The following FAM13A variants were observed in gnomAD, a reference collection of about 807,000 sequenced individuals.
The protein encoded by FAM13A is protein FAM13A.
FAM13A carries 76 observed loss-of-function variants against 129.6 expected under a neutral mutation model. That is an observed-to-expected ratio of 0.59 (90% CI 0.49 to 0.71). The LOEUF (loss-of-function observed/expected upper bound fraction) is 0.71. FAM13A is among the 30% of genes least tolerant of loss of function. The probability of loss-of-function intolerance (pLI) is 0.00; values close to 1 mark genes in which losing one functional copy is unlikely to be tolerated. For synonymous variants in FAM13A, 443 were observed against 449.9 expected (o/e 0.98, Z 0.20); for missense variants, 1,108 against 1,249.3 (o/e 0.89, Z 1.70).
rs191678618 is a variant in FAM13A, at chr4:88,769,639, C to T, written c.1459-1580G>A. On this transcript the variant is annotated intron_variant, in intron 11 of 23. Coordinates refer to ENST00000264344, the MANE Select transcript of FAM13A (RefSeq NM_014883.4). ...ACGAGGTCAAGAGATCGAGACCATC[C>T]TGACCAACATAGTGAAACCCCATCT... Among the ~76,000 whole-genome samples the T allele has an allele frequency of 7.4e-3, 1,120 of 152,168 alleles. 11 individuals are homozygous for T. The highest frequency in any genetic ancestry group is 0.026 in the African/African-American group (1,082 of 41,520).
intron 4 of FAM13A, among the ~76,000 whole-genome samples, chr4:88,977,600 T>A (rs1761074555): frequency 6.6e-6 from 1 of 152,210 alleles, no homozygotes; most frequent in Non-Finnish European, 1.5e-5. Flanking sequence ...AATGCATATT[T>A]TTCAAAACAA....
intron 9 of FAM13A, 149 bp downstream of exon 9, chr4:88,790,437 C>G (rs1258971323): frequency 1.5e-6 from 1 of 649,310 alleles, no homozygotes; most frequent in Non-Finnish European, 2.7e-6. Context: ...TCCTCTCCTC[C>G]ATATAGTTTA....
intron 4 of FAM13A, among the ~76,000 whole-genome samples, chr4:88,939,209 C>T (rs1057378202): frequency 6.6e-6 from 1 of 152,158 alleles, no homozygotes; most frequent in African/African-American, 2.4e-5. Context: ...CTGGGCTATA[C>T]TCCCTGTGAA....
At chr4:88,966,882 T>C (rs1003301394) in intron 4 of FAM13A, among the ~76,000 whole-genome samples, 1 of 152,212 alleles carries the variant, frequency 6.6e-6, no homozygotes, top group African/African-American at 2.4e-5. Context: ...ATCCTTTCTC[T>C]TCAGTATTCT....
At chr4:88,798,477 T>C (rs1726710994) in intron 8 of FAM13A, among the ~76,000 whole-genome samples, 2 of 151,982 alleles carry the variant, frequency 1.3e-5, no homozygotes, top group Non-Finnish European at 2.9e-5. Flanking sequence ...GTTCAGAAAA[T>C]AAGTTTCTGC....
At chr4:88,842,151 G>A (rs1735947107) in intron 7 of FAM13A, among the ~76,000 whole-genome samples, 1 of 152,174 alleles carries the variant, frequency 6.6e-6, no homozygotes, top group Admixed American at 6.5e-5. Context: ...AAAGAAGAGA[G>A]ACACAAAAGA....
intron 21 of FAM13A, among the ~76,000 whole-genome samples, chr4:88,734,309 A>G (rs557378398): frequency 6.6e-6 from 1 of 152,358 alleles, no homozygotes; most frequent in Admixed American, 6.5e-5. Context: ...AGGGCAGTCT[A>G]CAGCAGCCCC....
intron 7 of FAM13A, among the ~76,000 whole-genome samples, chr4:88,837,545 G>A (rs755767796): frequency 6.6e-6 from 1 of 150,782 alleles, no homozygotes; most frequent in African/African-American, 2.4e-5. Context: ...GAGAAAGCCC[G>A]TCTGTACTAA....
chr4:88,839,821 C>T (rs1158916181), intron 7 of FAM13A, among the ~76,000 whole-genome samples: 2 of 152,182 alleles, frequency 1.3e-5, no homozygotes, highest in African/African-American at 2.4e-5. Flanking sequence ...TGCCCCCCAA[C>T]GTTGTCCTGG....
intron 3 of FAM13A, among the ~76,000 whole-genome samples, chr4:89,007,250 C>T (rs1011704617): frequency 3.3e-5 from 5 of 152,188 alleles, no homozygotes; most frequent in African/African-American, 1.2e-4. Context: ...TTGCCCCTAA[C>T]AAACAGGGCA....
At chr4:88,787,974 A>C in intron 9 of FAM13A, 42 bp from the exon 10 acceptor site, 1 of 1,532,280 alleles carries the variant, frequency 6.5e-7, no homozygotes, top group Non-Finnish European at 8.9e-7. Context: ...AGTCAAGTTC[A>C]TCAGTGATCA....
At chr4:88,958,901 A>G (rs894438431) in intron 4 of FAM13A, among the ~76,000 whole-genome samples, 1 of 152,236 alleles carries the variant, frequency 6.6e-6, no homozygotes, top group African/African-American at 2.4e-5. Context: ...GGGCTGCCCA[A>G]GGCCTTAGGA....
At chr4:88,898,007 ATTAG>A (rs1746637186) in intron 6 of FAM13A, among the ~76,000 whole-genome samples, 1 of 152,180 alleles carries the variant, frequency 6.6e-6, no homozygotes, top group Admixed American at 6.5e-5. Flanking sequence ...TCTCTATGGA[ATTAG>A]TTGGTCATAA....
chr4:88,980,230 G>A (rs925632772), intron 4 of FAM13A, among the ~76,000 whole-genome samples: 1 of 152,156 alleles, frequency 6.6e-6, no homozygotes, highest in Non-Finnish European at 1.5e-5. Context: ...GCTGACATGT[G>A]GGGATTAAGT....
chr4:88,804,361 T>C (rs1156745793), intron 8 of FAM13A, among the ~76,000 whole-genome samples: 1 of 152,212 alleles, frequency 6.6e-6, no homozygotes, highest in Non-Finnish European at 1.5e-5. Context: ...TTTTCAAATA[T>C]ATTTTCTAAG....
intron 7 of FAM13A, 37 bp from the exon 8 acceptor site, chr4:88,805,089 T>C: frequency 9.2e-7 from 1 of 1,087,262 alleles, no homozygotes; most frequent in African/African-American, 1.6e-5. Context: ...ATATAATGTC[T>C]GTTAATATGA....
intron 4 of FAM13A, chr4:88,990,066 CTTAAAAG>C (rs908529358): frequency 9.2e-5 from 14 of 152,150 alleles, no homozygotes; most frequent in African/African-American, 3.1e-4. Context: ...AATGCCATTA[CTTAAAAG>C]TTAACACCTT....
chr4:88,888,826 C>T (rs1415981299), intron 6 of FAM13A, among the ~76,000 whole-genome samples: 2 of 151,136 alleles, frequency 1.3e-5, no homozygotes, highest in African/African-American at 2.4e-5. Context: ...GTCCCAGCTA[C>T]TCAGGAGGCT....
chr4:89,032,748 C>A (rs1768872063), intron 1 of FAM13A, among the ~76,000 whole-genome samples: 1 of 152,168 alleles, frequency 6.6e-6, no homozygotes. Flanking sequence ...CAAATCCAGA[C>A]TGTGTTTTGA....
Sources: allele counts gnomAD v4.1 joint callset (sites outside exome capture counted in the v4.1 genomes callset), GRCh38; gene constraint gnomAD v4.1.1; transcripts MANE v1.5; gene names NCBI Gene and HGNC (gene_info 2026-07-23, HGNC 2026-07-21).